Variants in PREX2 observed in about 807,000 individuals in gnomAD.
The protein encoded by PREX2 is phosphatidylinositol-3,4,5-trisphosphate dependent Rac exchange factor 2.
In PREX2, 107 loss-of-function variants were observed where a neutral mutation model predicts 203.2. The observed-to-expected ratio is 0.53, with a 90% CI of 0.45 to 0.62. The LOEUF (loss-of-function observed/expected upper bound fraction) is 0.62, where lower values mean the gene tolerates loss of function less well. Among genes scored for constraint, PREX2 ranks in the 20% least tolerant of loss-of-function variants. PREX2 has a pLI of 0.00. For synonymous variants in PREX2, 672 were observed against 663.6 expected (o/e 1.01, Z -0.19); for missense variants, 1,777 against 1,955.9 (o/e 0.91, Z 1.72).
At position 68,028,222 on chromosome 8, in the gene PREX2, CAT is replaced by C. The variant is rs140625646; in HGVS notation, c.543+912_543+913del. ...TATGTATGCATGTGTATTCTGAATA[CAT>C]ATATATATATATGCATATATATAGG... On this transcript the variant is annotated intron_variant, in intron 5 of 39. Transcript: ENST00000288368. Among the ~76,000 whole-genome samples the C allele has an allele frequency of 5.1e-3, 754 of 149,166 alleles. 4 individuals are homozygous for C. Among genetic ancestry groups the C allele is most frequent in the Non-Finnish European group, 7.7e-3 (516 of 67,158 alleles).
At chr8:67,981,189 A>G (rs1369284048) in intron 1 of PREX2, among the ~76,000 whole-genome samples, 1 of 152,216 alleles carries the variant, frequency 6.6e-6, no homozygotes, top group Non-Finnish European at 1.5e-5. Flanking sequence ...GCCTAATATA[A>G]GGGAACAGCC....
intron 33 of PREX2, among the ~76,000 whole-genome samples, chr8:68,140,823 T>C (rs545920033): frequency 7.2e-4 from 110 of 152,340 alleles, no homozygotes; most frequent in African/African-American, 2.6e-3. Flanking sequence ...CTTCTTACTT[T>C]ATTACTTTGC....
Position 68,134,028 on chromosome 8 carries a change from G to A in PREX2, c.3767-31G>A, listed in dbSNP as rs111524733. 1.3e-3 allele frequency: 2,073 copies of A among 1,575,112 alleles called. 21 individuals carry two copies. The African/African-American group carries it at 0.022, about 17-fold the overall frequency. On this transcript the variant is annotated intron_variant, in intron 31 of 39. Coordinates refer to ENST00000288368, the MANE Select transcript of PREX2 (RefSeq NM_024870.4). ...GTTTTCACCATCTGCAACATTTTTC[G>A]AAGCATTCTCTATGTTCTCTTTGAT...
chr8:68,049,348 T>A (rs147319739), intron 8 of PREX2, among the ~76,000 whole-genome samples: 1,961 of 152,132 alleles, frequency 0.013, 20 homozygotes, highest in Non-Finnish European at 0.019. Context: ...AGTTTCTTGA[T>A]GTTTTCAGTA....
intron 33 of PREX2, among the ~76,000 whole-genome samples, chr8:68,140,736 TAAATA>T (rs1811213109): frequency 6.6e-6 from 1 of 152,192 alleles, no homozygotes; most frequent in African/African-American, 2.4e-5. Context: ...TTGAGGGACT[TAAATA>T]AGATAATGTA....
chr8:68,091,532 A>AAACC (rs1809873720), intron 20 of PREX2, among the ~76,000 whole-genome samples: 1 of 152,180 alleles, frequency 6.6e-6, no homozygotes, highest in African/African-American at 2.4e-5. Flanking sequence ...ATGAATGGCC[A>AAACC]TTTTCTCATA....
intron 1 of PREX2, among the ~76,000 whole-genome samples, chr8:67,997,173 CA>C (rs1806790287): frequency 6.6e-6 from 1 of 152,136 alleles, no homozygotes; most frequent in Non-Finnish European, 1.5e-5. Context: ...GGAAAAACTG[CA>C]ATTACTTTTG....
chr8:68,212,248 A>G (rs1396542930), intron 37 of PREX2, among the ~76,000 whole-genome samples: 2 of 152,196 alleles, frequency 1.3e-5, no homozygotes, highest in East Asian at 3.8e-4. Context: ...TCCTTCTGCC[A>G]TTACACCCTT....
chr8:68,153,311 A>G (rs998264938), intron 34 of PREX2, among the ~76,000 whole-genome samples: 4 of 152,194 alleles, frequency 2.6e-5, no homozygotes, highest in African/African-American at 2.4e-5. Flanking sequence ...GTTTTTCCTG[A>G]TTAATCTCTT....
At chr8:68,017,364 G>A (rs904056582) in intron 1 of PREX2, among the ~76,000 whole-genome samples, 1 of 152,002 alleles carries the variant, frequency 6.6e-6, no homozygotes, top group Admixed American at 6.5e-5. Flanking sequence ...TAGTGGCAGG[G>A]ATAGCTATCT....
At chr8:68,106,874 GC>G in intron 23 of PREX2, among the ~76,000 whole-genome samples, 1 of 152,076 alleles carries the variant, frequency 6.6e-6, no homozygotes, top group East Asian at 1.9e-4. Context: ...TACGAAGAAT[GC>G]AAAAAAGACA....
intron 19 of PREX2, among the ~76,000 whole-genome samples, chr8:68,089,140 C>T (rs1809789140): frequency 6.6e-6 from 1 of 151,906 alleles, no homozygotes; most frequent in African/African-American, 2.4e-5. Context: ...CTCCCACCCT[C>T]AGCTGCATTC....
intron 1 of PREX2, among the ~76,000 whole-genome samples, chr8:67,998,146 A>G (rs4461889): frequency 6.6e-6 from 1 of 151,908 alleles, no homozygotes; most frequent in East Asian, 1.9e-4. Flanking sequence ...GTGTTGTTAA[A>G]TTTTTGCATT....
intron 17 of PREX2, among the ~76,000 whole-genome samples, chr8:68,081,716 A>G (rs1809531956): frequency 6.6e-6 from 1 of 152,118 alleles, no homozygotes; most frequent in Non-Finnish European, 1.5e-5. Flanking sequence ...CCTTTTTGAG[A>G]CAAAGTCTCC....
chr8:68,055,384 C>G (rs1808645840), intron 9 of PREX2, among the ~76,000 whole-genome samples: 1 of 152,194 alleles, frequency 6.6e-6, no homozygotes, highest in Non-Finnish European at 1.5e-5. Flanking sequence ...CAAGACAGGT[C>G]CCTTCTGTGA....
intron 35 of PREX2, 73 bp from the exon 36 acceptor site, chr8:68,191,649 T>A: frequency 1.8e-6 from 2 of 1,093,406 alleles, no homozygotes; most frequent in Non-Finnish European, 2.8e-6. Context: ...AAGTCAGTGA[T>A]TCTTGAACAT....
chr8:68,105,109 A>G (rs751849075), intron 23 of PREX2: 44 of 1,363,720 alleles, frequency 3.2e-5, no homozygotes, highest in Non-Finnish European at 3.9e-5. Context: ...ACCACCATCA[A>G]TTCAAGAACT....
chr8:68,207,816 C>T (rs369833996), intron 37 of PREX2, among the ~76,000 whole-genome samples: 27 of 151,866 alleles, frequency 1.8e-4, no homozygotes, highest in African/African-American at 6.5e-4. Context: ...TCTCTCTTGC[C>T]CATGTTCTTA....
rs1290957242 is a variant in PREX2 at position 67,978,160 on chromosome 8, A to G, written c.141+25625A>G. Among the ~76,000 whole-genome samples, 7 of 152,286 alleles carry G rather than the reference A, an allele frequency of 4.6e-5. No homozygotes were observed. In the East Asian group the frequency reaches 7.7e-4, roughly 17 times the overall value. ...TATCTGTCCACCTGGTGTCCACTGC[A>G]GAATTGATTGCTTACTTGGTGTGTG... is the stretch of plus-strand genomic sequence containing the variant. On this transcript the variant is annotated intron_variant, in intron 1 of 39. Transcript: ENST00000288368.
Sources: allele counts gnomAD v4.1 joint callset (sites outside exome capture counted in the v4.1 genomes callset), GRCh38; gene constraint gnomAD v4.1.1; transcripts MANE v1.5; gene names NCBI Gene and HGNC (gene_info 2026-07-23, HGNC 2026-07-21).